The following ZDHHC2 variants were observed in gnomAD, a reference collection of about 807,000 sequenced individuals.
ZDHHC2 encodes the protein palmitoyltransferase ZDHHC2.
ZDHHC2 carries 51 observed loss-of-function variants against 55.6 expected under a neutral mutation model. The ratio of observed to expected loss-of-function variants is 0.92; its 90% CI spans 0.73 to 1.16. The LOEUF (loss-of-function observed/expected upper bound fraction) is 1.16, where lower values mean the gene tolerates loss of function less well. Among genes scored for constraint, ZDHHC2 ranks in the 50% most tolerant of loss-of-function variants. The probability of loss-of-function intolerance (pLI) is 0.00; values close to 1 mark genes in which losing one functional copy is unlikely to be tolerated. For missense variants in ZDHHC2, 491 were observed against 442.4 expected, an observed-to-expected ratio of 1.11 and a Z score of -0.99; for synonymous variants, 199 against 152.9, an observed-to-expected ratio of 1.30 and a Z score of -2.22.
At chr8:17,194,243 T>G (rs1213433536) in intron 3 of ZDHHC2, among the ~76,000 whole-genome samples, 1 of 151,944 alleles carries the variant, frequency 6.6e-6, no homozygotes. Flanking sequence ...TGCCTCTGTC[T>G]TTATAGTAGA....
intron 1 of ZDHHC2, among the ~76,000 whole-genome samples, chr8:17,162,143 A>G (rs1804378904): frequency 6.6e-6 from 1 of 152,188 alleles, no homozygotes; most frequent in African/African-American, 2.4e-5. Context: ...GGTTCCATTT[A>G]GTGTGTCAGA....
At chr8:17,200,713 A>G (rs566979515) in intron 6 of ZDHHC2, among the ~76,000 whole-genome samples, 2 of 152,234 alleles carry the variant, frequency 1.3e-5, no homozygotes, top group Non-Finnish European at 2.9e-5. Flanking sequence ...GATAGCCTTT[A>G]CAGTTTTCAC....
At chr8:17,193,979 C>T (rs1806177125) in intron 3 of ZDHHC2, among the ~76,000 whole-genome samples, 1 of 152,166 alleles carries the variant, frequency 6.6e-6, no homozygotes, top group South Asian at 2.1e-4. Flanking sequence ...CATGTGTTCT[C>T]ACTGTTCCAC....
At chr8:17,167,734 A>G (rs1467143355) in intron 1 of ZDHHC2, among the ~76,000 whole-genome samples, 1 of 152,226 alleles carries the variant, frequency 6.6e-6, no homozygotes, top group Non-Finnish European at 1.5e-5. Context: ...TTAAAAGATA[A>G]ATTATATGTG....
rs1327661009 is a variant in ZDHHC2 at position 17,223,645 on chromosome 8, C to T, written c.*3424C>T. The T allele has an allele frequency of 6.6e-6, 1 of 151,726 alleles. No individual in the cohort carries two copies. The highest frequency in any genetic ancestry group is 6.6e-5 in the Admixed American group (1 of 15,208). The allele number at this position is 151,726 out of a possible 1,614,324, so 9.4% of individuals were successfully genotyped here. On this transcript the variant is annotated 3_prime_UTR_variant, in exon 13 of 13. Coordinates refer to ENST00000262096, the MANE Select transcript of ZDHHC2 (RefSeq NM_016353.5). Reference sequence around the variant, plus strand: ...CTGTCTTGGTAAAAATTCCTAGATTCTACTTTTTATTGCAAGTGTTAGCAA... The same window carrying T: ...CTGTCTTGGTAAAAATTCCTAGATTTTACTTTTTATTGCAAGTGTTAGCAA...
rs1439636400 is a variant in ZDHHC2, at chr8:17,156,667, C to T, written c.-57C>T. The T allele has an allele frequency of 2.0e-5, 24 of 1,204,908 alleles. No homozygotes were observed. Among genetic ancestry groups the T allele is most frequent in the Admixed American group, 4.6e-5 (1 of 21,544 alleles). The allele number at this position is 1,204,908 out of a possible 1,614,324, so 74.6% of individuals were successfully genotyped here. A position where few individuals can be genotyped will look rare whatever the true frequency, so the allele number is the denominator to read the frequency against. On this transcript the variant is annotated 5_prime_UTR_variant, in exon 1 of 13. Coordinates refer to ENST00000262096, the MANE Select transcript of ZDHHC2 (RefSeq NM_016353.5). ...AGGGGTGCCGGGCCCGCCCAGCCCGCCCCGGAGCCAGGCCCGCGGGCGGCG... is the reference window on the plus strand; with the variant it reads ...AGGGGTGCCGGGCCCGCCCAGCCCGTCCCGGAGCCAGGCCCGCGGGCGGCG...
At chr8:17,200,269 A>T (rs1483400767) in intron 6 of ZDHHC2, among the ~76,000 whole-genome samples, 2 of 152,174 alleles carry the variant, frequency 1.3e-5, no homozygotes, top group African/African-American at 4.8e-5. Flanking sequence ...TCAGCTCACA[A>T]GCCAGGCAGT....
In ZDHHC2 at chr8:17,158,311, C is replaced by G. The variant is rs368909269; in HGVS notation, c.130+1458C>G. Among the ~76,000 whole-genome samples the G allele has an allele frequency of 5.1e-4, 78 of 152,304 alleles. 3 individuals carry two copies. The South Asian group carries it at 0.016, about 31-fold the overall frequency. ...TGGGAACCTTTGTTGTGTTTCATTCCTTCGTCCTCTTAAAAACAGTGACCA... is the reference window on the plus strand; with the variant it reads ...TGGGAACCTTTGTTGTGTTTCATTCGTTCGTCCTCTTAAAAACAGTGACCA... On this transcript the variant is annotated intron_variant, in intron 1 of 12. Coordinates refer to ENST00000262096, the MANE Select transcript of ZDHHC2 (RefSeq NM_016353.5).
intron 1 of ZDHHC2, among the ~76,000 whole-genome samples, chr8:17,174,859 C>T (rs111830541): frequency 1.5e-3 from 225 of 151,740 alleles, no homozygotes; most frequent in Non-Finnish European, 2.5e-3. Flanking sequence ...CACAGGTGTG[C>T]GCCACCACAC....
rs1157925170 is a variant in ZDHHC2, at chr8:17,223,461, T to G, written c.*3240T>G. 6.6e-6 allele frequency: 1 copy of G among 151,886 alleles called. No individual in the cohort carries two copies. The highest frequency in any genetic ancestry group is 1.5e-5 in the Non-Finnish European group (1 of 67,794). The allele number at this position is 151,886 out of a possible 1,614,324, so 9.4% of individuals were successfully genotyped here. A position where few individuals can be genotyped will look rare whatever the true frequency, so the allele number is the denominator to read the frequency against. ...ATATCTTTCTGCAGAAACGTGTTCTTCTAAAGCAGAAAACCACGTGGCTTA... is the reference window on the plus strand; with the variant it reads ...ATATCTTTCTGCAGAAACGTGTTCTGCTAAAGCAGAAAACCACGTGGCTTA... On this transcript the variant is annotated 3_prime_UTR_variant, in exon 13 of 13. Coordinates refer to ENST00000262096, the MANE Select transcript of ZDHHC2 (RefSeq NM_016353.5).
At chr8:17,169,548 A>T (rs1804755497) in intron 1 of ZDHHC2, among the ~76,000 whole-genome samples, 1 of 152,162 alleles carries the variant, frequency 6.6e-6, no homozygotes, top group Admixed American at 6.5e-5. Context: ...GATAAAGAGG[A>T]GTGGGTGGGA....
chr8:17,174,885 G>GT (rs898715041), intron 1 of ZDHHC2, among the ~76,000 whole-genome samples: 31 of 150,948 alleles, frequency 2.1e-4, no homozygotes, highest in Non-Finnish European at 2.8e-4. Context: ...TAATTGTGGG[G>GT]TTTTTTTTGT....
In ZDHHC2 at chr8:17,156,661, A is replaced by C; in HGVS notation, c.-63A>C. 1 of 1,160,176 alleles carries C rather than the reference A, an allele frequency of 8.6e-7. No individual in the cohort carries two copies. Among genetic ancestry groups the C allele is most frequent in the Non-Finnish European group, 1.1e-6 (1 of 944,290 alleles). The allele number at this position is 1,160,176 out of a possible 1,614,324, so 71.9% of individuals were successfully genotyped here. On this transcript the variant is annotated 5_prime_UTR_variant, in exon 1 of 13. Coordinates refer to ENST00000262096, the MANE Select transcript of ZDHHC2 (RefSeq NM_016353.5). ...CCAGCCAGGGGTGCCGGGCCCGCCC[A>C]GCCCGCCCCGGAGCCAGGCCCGCGG... is the stretch of plus-strand genomic sequence containing the variant.
chr8:17,194,217 G>A (rs975600439), intron 3 of ZDHHC2, among the ~76,000 whole-genome samples: 4 of 151,824 alleles, frequency 2.6e-5, no homozygotes, highest in East Asian at 1.9e-4. Flanking sequence ...GAACAGTGCC[G>A]CAATAAACAT....
chr8:17,169,922 TATA>T (rs1464980252), intron 1 of ZDHHC2, among the ~76,000 whole-genome samples: 2 of 152,196 alleles, frequency 1.3e-5, no homozygotes, highest in Admixed American at 6.5e-5. Context: ...GTGGTACTTG[TATA>T]ATATTACACT....
At chr8:17,179,770 A>G (rs922831270) in intron 1 of ZDHHC2, among the ~76,000 whole-genome samples, 3 of 152,216 alleles carry the variant, frequency 2.0e-5, no homozygotes, top group Admixed American at 2.0e-4. Context: ...TGGTAACTAT[A>G]GTAGTAATTT....
intron 6 of ZDHHC2, among the ~76,000 whole-genome samples, chr8:17,199,647 C>G (rs1211613497): frequency 1.6e-3 from 57 of 36,632 alleles, no homozygotes; most frequent in Admixed American, 3.8e-3. Context: ...TCTCCTCCTC[C>G]TCCTCCCTCC....
intron 3 of ZDHHC2, among the ~76,000 whole-genome samples, chr8:17,191,087 A>G (rs545124942): frequency 6.7e-5 from 10 of 148,586 alleles, no homozygotes; most frequent in Admixed American, 5.5e-4. Context: ...TCAGCCTCCC[A>G]AGTAGCTGGG....
At chr8:17,208,562 T>C (rs1004404942) in intron 8 of ZDHHC2, among the ~76,000 whole-genome samples, 1 of 152,060 alleles carries the variant, frequency 6.6e-6, no homozygotes, top group Non-Finnish European at 1.5e-5. Flanking sequence ...CCACACATGC[T>C]GATGATCATA....
Sources: gnomAD v4.1 joint callset for allele counts (sites outside exome capture counted in the v4.1 genomes callset) on GRCh38, gnomAD v4.1.1 for gene constraint, MANE v1.5 for transcripts, NCBI Gene and HGNC (gene_info 2026-07-23, HGNC 2026-07-21) for gene names.